Variants in PRKN observed in about 807,000 individuals in gnomAD.
PRKN encodes parkin RBR E3 ubiquitin protein ligase, also known as E3 ubiquitin-protein ligase parkin.
In PRKN, 56 loss-of-function variants were observed where a neutral mutation model predicts 59.5. The ratio of observed to expected loss-of-function variants is 0.94; its 90% CI spans 0.76 to 1.18. The LOEUF (loss-of-function observed/expected upper bound fraction) is 1.18, where lower values mean the gene tolerates loss of function less well. Ranked by LOEUF, PRKN falls within the 50% of genes most tolerant of loss-of-function variation. The pLI is 0.00. For missense variants in PRKN, 657 were observed against 596.4 expected, an observed-to-expected ratio of 1.10 and a Z score of -1.06; for synonymous variants, 250 against 222.1, an observed-to-expected ratio of 1.13 and a Z score of -1.12.
chr6:161,682,648 G>A (rs1785409852), intron 7 of PRKN, among the ~76,000 whole-genome samples: 1 of 152,120 alleles, frequency 6.6e-6, no homozygotes, highest in Non-Finnish European at 1.5e-5. Context: ...GGCCCTGGAG[G>A]TGAAACAAAC....
chr6:162,664,254 T>C (rs1158312946), intron 1 of PRKN, among the ~76,000 whole-genome samples: 1 of 152,202 alleles, frequency 6.6e-6, no homozygotes, highest in Non-Finnish European at 1.5e-5. Context: ...TAGTATTCCA[T>C]GGTGTATACG....
At chr6:161,947,032 A>T (rs1779809198) in intron 6 of PRKN, among the ~76,000 whole-genome samples, 1 of 152,190 alleles carries the variant, frequency 6.6e-6, no homozygotes, top group Non-Finnish European at 1.5e-5. Context: ...ATATTTATAG[A>T]CAGGCATACA....
intron 6 of PRKN, among the ~76,000 whole-genome samples, chr6:161,857,851 GAC>G (rs1224181277): frequency 1.1e-4 from 17 of 152,174 alleles, no homozygotes; most frequent in Admixed American, 1.0e-3. Flanking sequence ...GAAAGAGGAA[GAC>G]ACAACTTCAT....
At chr6:162,220,948 C>T (rs765442318) in intron 3 of PRKN, among the ~76,000 whole-genome samples, 11 of 152,178 alleles carry the variant, frequency 7.2e-5, no homozygotes, top group South Asian at 2.1e-4. Context: ...GCTAAATTAT[C>T]CTGCATGGCT....
At chr6:162,643,606 T>C (rs1778053109) in intron 1 of PRKN, among the ~76,000 whole-genome samples, 1 of 152,106 alleles carries the variant, frequency 6.6e-6, no homozygotes, top group African/African-American at 2.4e-5. Context: ...CCTGAAGACC[T>C]CTATCCAGTG....
At chr6:161,628,248 C>T (rs1020523393) in intron 7 of PRKN, among the ~76,000 whole-genome samples, 1 of 152,150 alleles carries the variant, frequency 6.6e-6, no homozygotes, top group Non-Finnish European at 1.5e-5. Context: ...TCTGCTCATC[C>T]TGCTGTAACA....
chr6:161,855,104 A>C (rs908364052), intron 6 of PRKN, among the ~76,000 whole-genome samples: 7 of 151,520 alleles, frequency 4.6e-5, no homozygotes, highest in Non-Finnish European at 1.0e-4. Context: ...AAAAAGAAAA[A>C]AAAAAAGAAA....
chr6:162,036,438 G>A (rs944478834), intron 5 of PRKN, among the ~76,000 whole-genome samples: 3 of 151,764 alleles, frequency 2.0e-5, no homozygotes, highest in Admixed American at 6.6e-5. Flanking sequence ...GGAGTGCAAC[G>A]GCAGGATCTC....
chr6:162,188,768 C>T (rs748902369), intron 4 of PRKN, among the ~76,000 whole-genome samples: 7 of 141,542 alleles, frequency 4.9e-5, no homozygotes, highest in African/African-American at 1.8e-4. Context: ...TGGAACATTC[C>T]TTAGATTTCG....
At chr6:162,089,953 T>C (rs535142653) in intron 4 of PRKN, among the ~76,000 whole-genome samples, 2 of 152,280 alleles carry the variant, frequency 1.3e-5, no homozygotes, top group Non-Finnish European at 1.5e-5. Context: ...TATGGCAGTG[T>C]TCTAAAATTT....
chr6:162,357,583 T>C (rs949140000), intron 2 of PRKN, among the ~76,000 whole-genome samples: 1 of 152,184 alleles, frequency 6.6e-6, no homozygotes, highest in South Asian at 2.1e-4. Flanking sequence ...AGTTTGGCAG[T>C]TTCTTACAAA....
chr6:162,132,909 C>T (rs1302713719), intron 4 of PRKN, among the ~76,000 whole-genome samples: 2 of 152,108 alleles, frequency 1.3e-5, no homozygotes, highest in Non-Finnish European at 2.9e-5. Context: ...ACAGAATGTA[C>T]AAAGGTCCTG....
At chr6:162,394,048 T>C (rs183246514) in intron 2 of PRKN, among the ~76,000 whole-genome samples, 2 of 151,470 alleles carry the variant, frequency 1.3e-5, no homozygotes, top group Non-Finnish European at 1.5e-5. Flanking sequence ...GTATCCAAAA[T>C]TTTTTTTGTT....
Position 162,374,531 on chromosome 6 carries a change from ATTTATTTG to A in PRKN, c.171+68771_171+68778del, listed in dbSNP as rs1284253441. Among the ~76,000 whole-genome samples the A allele has an allele frequency of 2.9e-4, 44 of 151,220 alleles. No homozygotes were observed. The East Asian group carries it at 5.3e-3, about 18-fold the overall frequency. Reference sequence around the variant, plus strand: ...CCTCTTATAATTTTATGTTTTATTTATTTATTTGTTTGTTTGTTTATTTATTTATTTAT... The same window carrying A: ...CCTCTTATAATTTTATGTTTTATTTATTTGTTTGTTTATTTATTTATTTAT... On this transcript the variant is annotated intron_variant, in intron 2 of 11. Coordinates refer to ENST00000366898, the MANE Select transcript of PRKN (RefSeq NM_004562.3).
Position 161,774,381 on chromosome 6 carries a change from A to AACAC in PRKN, c.871+11390_871+11391insGTGT, listed in dbSNP as rs1562673354. Among the ~76,000 whole-genome samples the AACAC allele has an allele frequency of 8.0e-3, 712 of 89,162 alleles. 11 individuals are homozygous for AACAC. Among genetic ancestry groups the AACAC allele is most frequent in the African/African-American group, 0.025 (680 of 27,492 alleles). The allele number at this position is 89,162 out of a possible 152,430, so 58.5% of individuals were successfully genotyped here. A position where few individuals can be genotyped will look rare whatever the true frequency, so the allele number is the denominator to read the frequency against. On this transcript the variant is annotated intron_variant, in intron 7 of 11. Transcript: ENST00000366898. ...CCTCCCCCATCCTTTCTACTCCCTG[A>AACAC]GCACACACACACACACACACACACA...
intron 1 of PRKN, among the ~76,000 whole-genome samples, chr6:162,447,341 T>C (rs113874722): frequency 6.6e-5 from 10 of 152,068 alleles, no homozygotes; most frequent in African/African-American, 2.4e-4. Flanking sequence ...CCAAGAGATA[T>C]GATAGAGAAT....
intron 1 of PRKN, among the ~76,000 whole-genome samples, chr6:162,504,195 T>C (rs1793505601): frequency 6.6e-6 from 1 of 152,144 alleles, no homozygotes; most frequent in African/African-American, 2.4e-5. Context: ...CGCATCAGCC[T>C]AGGGTCCTGG....
At chr6:162,063,579 C>T (rs533971034) in intron 4 of PRKN, among the ~76,000 whole-genome samples, 7 of 151,884 alleles carry the variant, frequency 4.6e-5, no homozygotes, top group African/African-American at 1.4e-4. Flanking sequence ...GAGTTTCACT[C>T]GGTCGCTCAG....
intron 2 of PRKN, among the ~76,000 whole-genome samples, chr6:162,290,439 T>C (rs1781378982): frequency 6.6e-6 from 1 of 152,204 alleles, no homozygotes; most frequent in African/African-American, 2.4e-5. Flanking sequence ...CTTAATAGAA[T>C]TTAAATTCTT....
Sources: gnomAD v4.1 joint callset for allele counts (sites outside exome capture counted in the v4.1 genomes callset) on GRCh38, gnomAD v4.1.1 for gene constraint, MANE v1.5 for transcripts, NCBI Gene and HGNC (gene_info 2026-07-23, HGNC 2026-07-21) for gene names.